GRID2: variants seen among roughly 807,000 people sequenced by gnomAD.
The protein encoded by GRID2 is glutamate receptor ionotropic, delta-2.
A neutral mutation model predicts 114.8 loss-of-function variants in GRID2; 33 were observed. The observed-to-expected ratio is 0.29, with a 90% CI of 0.22 to 0.38. GRID2 has a LOEUF of 0.38. Among genes scored for constraint, GRID2 ranks in the 10% least tolerant of loss-of-function variants. The pLI, the probability that GRID2 is intolerant of heterozygous loss-of-function variation, is 1.00. For synonymous variants in GRID2, 505 were observed against 449.9 expected (o/e 1.12, Z -1.55); for missense variants, 1,184 against 1,257.7 (o/e 0.94, Z 0.89).
chr4:93,392,769 C>A (rs910092884), intron 8 of GRID2, among the ~76,000 whole-genome samples: 2 of 151,980 alleles, frequency 1.3e-5, no homozygotes, highest in African/African-American at 4.8e-5. Context: ...AAATAGATCA[C>A]ATTTATGAAA....
At chr4:93,418,655 A>G (rs532137740) in intron 9 of GRID2, among the ~76,000 whole-genome samples, 46 of 152,206 alleles carry the variant, frequency 3.0e-4, no homozygotes, top group African/African-American at 9.9e-4. Context: ...GGTTTCTACC[A>G]TTACTTTTAA....
intron 2 of GRID2, among the ~76,000 whole-genome samples, chr4:92,843,947 T>C (rs1231961448): frequency 6.6e-6 from 1 of 152,140 alleles, no homozygotes; most frequent in East Asian, 1.9e-4. Flanking sequence ...ATTTGGAAAA[T>C]GCTGGTTCAC....
rs982301426 is a variant in GRID2 at position 92,760,237 on chromosome 4, C to CAAA, written c.244+169973_244+169975dup. 2.9e-3 allele frequency among the ~76,000 whole-genome samples: 112 copies of CAAA among 38,378 alleles called. 2 individuals are homozygous for CAAA. The highest frequency in any genetic ancestry group is 5.2e-3 in the African/African-American group (55 of 10,640). The allele number at this position is 38,378 out of a possible 152,430, so 25.2% of individuals were successfully genotyped here. On this transcript the variant is annotated intron_variant, in intron 2 of 15. Coordinates refer to ENST00000282020, the MANE Select transcript of GRID2 (RefSeq NM_001510.4). ...TGGGTGACATAGCGAGACTCTGTCT[C>CAAA]AAAAAAAAAAAAAAAAAAAAAAAAG...
intron 3 of GRID2, among the ~76,000 whole-genome samples, chr4:93,086,626 C>T (rs193241734): frequency 1.6e-4 from 25 of 152,176 alleles, no homozygotes; most frequent in East Asian, 3.9e-4. Context: ...GTCTCCAAGA[C>T]GGAAATCCTT....
At position 93,401,991 on chromosome 4, in the gene GRID2, CA is replaced by C. The variant is rs994660733; in HGVS notation, c.1347+6292del. Among the ~76,000 whole-genome samples, 7 of 145,708 alleles carry C rather than the reference CA, an allele frequency of 4.8e-5. No homozygotes were observed. In the East Asian group the frequency reaches 6.0e-4, roughly 12 times the overall value. On this transcript the variant is annotated intron_variant, in intron 9 of 15. Transcript: ENST00000282020. ...ACCAGAGTCTTAATTTGTACAAAAA[CA>C]AAAAAAAAGTATTTAGGTTAGATTT... is the stretch of plus-strand genomic sequence containing the variant.
intron 2 of GRID2, among the ~76,000 whole-genome samples, chr4:92,906,145 G>A (rs1180216515): frequency 1.3e-5 from 2 of 152,062 alleles, no homozygotes; most frequent in East Asian, 3.9e-4. Flanking sequence ...TGCCTCTTTT[G>A]AATATGTAAG....
At chr4:93,135,697 T>G (rs759459187) in intron 4 of GRID2, among the ~76,000 whole-genome samples, 1 of 152,144 alleles carries the variant, frequency 6.6e-6, no homozygotes, top group Non-Finnish European at 1.5e-5. Flanking sequence ...AGTTTGAAAA[T>G]AAACTAAGCC....
chr4:92,384,147 G>A (rs749453856), intron 1 of GRID2, among the ~76,000 whole-genome samples: 1 of 149,706 alleles, frequency 6.7e-6, no homozygotes, highest in African/African-American at 2.5e-5. Flanking sequence ...ATGTGTGGGT[G>A]TGTGTGTGTC....
intron 2 of GRID2, among the ~76,000 whole-genome samples, chr4:92,827,449 C>T (rs1741798912): frequency 6.6e-6 from 1 of 150,958 alleles, no homozygotes; most frequent in Non-Finnish European, 1.5e-5. Context: ...TACTATGTCC[C>T]TTCTGTCTTT....
At chr4:93,317,491 A>G (rs1432808470) in intron 8 of GRID2, among the ~76,000 whole-genome samples, 5 of 152,074 alleles carry the variant, frequency 3.3e-5, no homozygotes, top group African/African-American at 4.8e-5. Context: ...ATAGAAGAGA[A>G]CGTTATGATT....
At chr4:92,718,158 G>A (rs1025117301) in intron 2 of GRID2, among the ~76,000 whole-genome samples, 1 of 151,782 alleles carries the variant, frequency 6.6e-6, no homozygotes, top group Non-Finnish European at 1.5e-5. Flanking sequence ...AATCTCATAA[G>A]GAAAAATTTG....
rs1189640661 is a variant in GRID2, at chr4:93,762,183, CCAAAATAGATTTATT to C, written c.2361-7024_2361-7010del. ...AATTTAATAATGTGGATATTATGAG[CCAAAATAGATTTATT>C]CAGTGTGTGAAAAAAATAACTTTTT... On this transcript the variant is annotated intron_variant, in intron 14 of 15. Coordinates refer to ENST00000282020, the MANE Select transcript of GRID2 (RefSeq NM_001510.4). Among the ~76,000 whole-genome samples the C allele has an allele frequency of 1.6e-4, 24 of 151,938 alleles. 1 individual carries two copies. The South Asian group carries it at 5.0e-3, about 32-fold the overall frequency.
At chr4:93,694,851 A>C (rs1383196571) in intron 14 of GRID2, among the ~76,000 whole-genome samples, 2 of 152,146 alleles carry the variant, frequency 1.3e-5, no homozygotes, top group Non-Finnish European at 1.5e-5. Context: ...CGAAGATCTT[A>C]AACTCCATAT....
intron 1 of GRID2, among the ~76,000 whole-genome samples, chr4:92,440,556 A>G (rs1732994119): frequency 1.3e-5 from 2 of 151,500 alleles, no homozygotes; most frequent in African/African-American, 4.9e-5. Flanking sequence ...ATCCCTGAGG[A>G]GTAGTAGAAT....
rs1418153194 is a variant in GRID2 at position 93,497,487 on chromosome 4, G to A, written c.1997+6710G>A. ...TCCTATTTCTTCTAAAAGTTTTATA[G>A]TTTTACATTACACATTTACATATTT... On this transcript the variant is annotated intron_variant, in intron 12 of 15. Coordinates refer to ENST00000282020, the MANE Select transcript of GRID2 (RefSeq NM_001510.4). 2.6e-5 allele frequency among the ~76,000 whole-genome samples: 4 copies of A among 151,858 alleles called. No homozygotes were observed. The East Asian group carries it at 7.8e-4, about 30-fold the overall frequency.
At chr4:93,594,938 C>A (rs1260433047) in intron 13 of GRID2, among the ~76,000 whole-genome samples, 1 of 152,194 alleles carries the variant, frequency 6.6e-6, no homozygotes, top group Non-Finnish European at 1.5e-5. Context: ...CACCCACTGA[C>A]CTGCACCCAC....
chr4:92,607,317 C>A (rs1276322409), intron 2 of GRID2, among the ~76,000 whole-genome samples: 4 of 151,868 alleles, frequency 2.6e-5, no homozygotes, highest in African/African-American at 9.7e-5. Context: ...TTCTTTTAAG[C>A]CTCTACTTTG....
chr4:92,800,877 A>G (rs1740128042), intron 2 of GRID2, among the ~76,000 whole-genome samples: 1 of 152,010 alleles, frequency 6.6e-6, no homozygotes, highest in Admixed American at 6.6e-5. Flanking sequence ...CAGAACAGTG[A>G]TTTCAATCTG....
intron 2 of GRID2, among the ~76,000 whole-genome samples, chr4:92,623,713 G>C (rs1048352530): frequency 6.6e-6 from 1 of 151,652 alleles, no homozygotes; most frequent in African/African-American, 2.4e-5. Flanking sequence ...CACAGTAAAA[G>C]CTGTGGCACC....
Sources: gnomAD v4.1 joint callset for allele counts (sites outside exome capture counted in the v4.1 genomes callset) on GRCh38, gnomAD v4.1.1 for gene constraint, MANE v1.5 for transcripts, NCBI Gene and HGNC (gene_info 2026-07-23, HGNC 2026-07-21) for gene names.